Variants in LRRC4C observed in about 807,000 individuals in gnomAD.
LRRC4C encodes leucine rich repeat containing 4C.
Under a neutral mutation model 33.6 loss-of-function variants are expected in LRRC4C, and 5 were observed. The ratio of observed to expected loss-of-function variants is 0.15; its 90% CI spans 0.08 to 0.31. The LOEUF (loss-of-function observed/expected upper bound fraction) is 0.31, where lower values mean the gene tolerates loss of function less well. Among genes scored for constraint, LRRC4C ranks in the 10% least tolerant of loss-of-function variants. The probability of loss-of-function intolerance (pLI) is 1.00; values close to 1 mark genes in which losing one functional copy is unlikely to be tolerated. For synonymous variants in LRRC4C, 329 were observed against 302.0 expected, an observed-to-expected ratio of 1.09 and a Z score of -0.93; for missense variants, 560 against 796.7, an observed-to-expected ratio of 0.70 and a Z score of 3.58.
chr11:40,732,539 G>A (rs1947641254), intron 2 of LRRC4C, among the ~76,000 whole-genome samples: 1 of 152,154 alleles, frequency 6.6e-6, no homozygotes, highest in Non-Finnish European at 1.5e-5. Flanking sequence ...CTCTATGGGA[G>A]ATTACACATC....
At chr11:40,232,208 G>A (rs1386436718) in intron 5 of LRRC4C, among the ~76,000 whole-genome samples, 1 of 152,192 alleles carries the variant, frequency 6.6e-6, no homozygotes, top group African/African-American at 2.4e-5. Context: ...GTTTCGCCAT[G>A]TTGGGCAGGC....
chr11:41,451,573 G>A (rs2138647128), intron 1 of LRRC4C, among the ~76,000 whole-genome samples: 1 of 152,196 alleles, frequency 6.6e-6, no homozygotes, highest in East Asian at 1.9e-4. Context: ...TCATGGCAGT[G>A]AGGCATGACA....
intron 1 of LRRC4C, among the ~76,000 whole-genome samples, chr11:41,286,767 G>C (rs878932984): frequency 6.6e-6 from 1 of 152,044 alleles, no homozygotes; most frequent in South Asian, 2.1e-4. Flanking sequence ...TTATGAAAGA[G>C]GAGGGGGAGG....
At chr11:40,972,272 G>A (rs1851779323) in intron 1 of LRRC4C, among the ~76,000 whole-genome samples, 1 of 152,004 alleles carries the variant, frequency 6.6e-6, no homozygotes, top group Non-Finnish European at 1.5e-5. Context: ...CAGTAGCTGG[G>A]ATTACAAGCA....
At chr11:40,296,474 C>T (rs987028060) in intron 4 of LRRC4C, among the ~76,000 whole-genome samples, 2 of 152,284 alleles carry the variant, frequency 1.3e-5, no homozygotes, top group Middle Eastern at 3.4e-3. Flanking sequence ...GAACCCAGAT[C>T]TACTCAATGC....
At chr11:41,380,542 G>T (rs1270484944) in intron 1 of LRRC4C, among the ~76,000 whole-genome samples, 1 of 152,106 alleles carries the variant, frequency 6.6e-6, no homozygotes, top group East Asian at 1.9e-4. Flanking sequence ...ACTTGAATAT[G>T]AATCTTAAAA....
chr11:40,338,455 T>G (rs1227144883), intron 3 of LRRC4C, among the ~76,000 whole-genome samples: 2 of 152,202 alleles, frequency 1.3e-5, no homozygotes, highest in African/African-American at 4.8e-5. Flanking sequence ...TATAGGATAT[T>G]TCAAAGGACT....
chr11:40,178,104 G>T (rs192176875), intron 5 of LRRC4C, among the ~76,000 whole-genome samples: 5 of 152,252 alleles, frequency 3.3e-5, no homozygotes, highest in African/African-American at 9.6e-5. Context: ...TATTACTGAT[G>T]TCAATAGCAT....
At chr11:40,976,030 A>G (rs1395811712) in intron 1 of LRRC4C, among the ~76,000 whole-genome samples, 1 of 152,212 alleles carries the variant, frequency 6.6e-6, no homozygotes, top group African/African-American at 2.4e-5. Context: ...AACACTGAAA[A>G]TGAACACTGC....
At chr11:40,482,336 T>C (rs1429838945) in intron 3 of LRRC4C, among the ~76,000 whole-genome samples, 1 of 152,166 alleles carries the variant, frequency 6.6e-6, no homozygotes, top group East Asian at 1.9e-4. Flanking sequence ...AGGAGGCAAG[T>C]TTAATCCTTT....
At chr11:41,138,358 C>A (rs560974486) in intron 1 of LRRC4C, among the ~76,000 whole-genome samples, 1 of 152,306 alleles carries the variant, frequency 6.6e-6, no homozygotes, top group African/African-American at 2.4e-5. Flanking sequence ...TCAGGAGAGT[C>A]ACTGCAGGTT....
chr11:40,361,138 C>A (rs1254602534), intron 3 of LRRC4C, among the ~76,000 whole-genome samples: 1 of 152,132 alleles, frequency 6.6e-6, no homozygotes, highest in Non-Finnish European at 1.5e-5. Context: ...TAACTAACAT[C>A]ATACTAACTG....
intron 3 of LRRC4C, among the ~76,000 whole-genome samples, chr11:40,480,383 A>G (rs1018901832): frequency 6.6e-6 from 1 of 151,796 alleles, no homozygotes; most frequent in Non-Finnish European, 1.5e-5. Flanking sequence ...ATAAATAAAT[A>G]AAACAAAATA....
At chr11:40,987,734 T>TA (rs1413441576) in intron 1 of LRRC4C, among the ~76,000 whole-genome samples, 1 of 148,204 alleles carries the variant, frequency 6.7e-6, no homozygotes, top group African/African-American at 2.5e-5. Context: ...GTTTCTGTTT[T>TA]AAAAAAATCG....
At chr11:40,152,979 C>A (rs1221153065) in intron 5 of LRRC4C, among the ~76,000 whole-genome samples, 2 of 152,140 alleles carry the variant, frequency 1.3e-5, no homozygotes, top group Non-Finnish European at 2.9e-5. Flanking sequence ...GGCAGGAGGC[C>A]AATGAGCACA....
At chr11:40,195,742 T>C (rs1268903314) in intron 5 of LRRC4C, among the ~76,000 whole-genome samples, 2 of 120,878 alleles carry the variant, frequency 1.7e-5, no homozygotes, top group Admixed American at 1.6e-4. Flanking sequence ...AAGGTGATTG[T>C]CAAAAAAAAA....
At chr11:40,656,595 C>G (rs978567917) in intron 2 of LRRC4C, among the ~76,000 whole-genome samples, 1 of 151,990 alleles carries the variant, frequency 6.6e-6, no homozygotes, top group African/African-American at 2.4e-5. Context: ...TTCACGCTCT[C>G]GAGAGACTTT....
intron 5 of LRRC4C, among the ~76,000 whole-genome samples, chr11:40,184,128 G>A (rs1261821265): frequency 6.6e-6 from 1 of 152,152 alleles, no homozygotes; most frequent in Admixed American, 6.5e-5. Context: ...ATTTCCCTGG[G>A]ACAGTTCTGG....
intron 1 of LRRC4C, among the ~76,000 whole-genome samples, chr11:41,408,755 A>AAAAAAAACAAAAAAAAAAAAAC (rs1565649920): frequency 1.4e-4 from 21 of 148,008 alleles, no homozygotes; most frequent in African/African-American, 4.8e-4. Context: ...TGTAAAAAAA[A>AAAAAAAACAAAAAAAAAAAAAC]AAAAAAAAAA....
Sources: allele counts gnomAD v4.1 joint callset (sites outside exome capture counted in the v4.1 genomes callset), GRCh38; gene constraint gnomAD v4.1.1; transcripts MANE v1.5; gene names NCBI Gene and HGNC (gene_info 2026-07-23, HGNC 2026-07-21).